RXRA: variants seen among roughly 807,000 people sequenced by gnomAD.
RXRA encodes retinoid X receptor alpha.
In RXRA, 5 loss-of-function variants were observed where a neutral mutation model predicts 44.5. The ratio of observed to expected loss-of-function variants is 0.11; its 90% confidence interval spans 0.06 to 0.24. The LOEUF (loss-of-function observed/expected upper bound fraction) is 0.24, where lower values mean the gene tolerates loss of function less well. Ranked by LOEUF, RXRA falls within the 10% of genes least tolerant of loss-of-function variation. RXRA has a pLI of 1.00. For synonymous variants in RXRA, 291 were observed against 271.4 expected (o/e 1.07, Z -0.71); for missense variants, 412 against 646.5 (o/e 0.64, Z 3.93).
In RXRA at chr9:134,417,381, A is replaced by G; in HGVS notation, c.780+54A>G. On this transcript the variant is annotated intron_variant, in intron 5 of 9. Transcript: ENST00000481739. This position sits in a 1 kb window ranked among gnomAD's most constrained non-coding sequence, Gnocchi z 6.1. Reference sequence around the variant, plus strand: ...AGCCTCACATGCCTCAGTTTCCCTCACTCACTCACCCTCCCACCTGAGCAG... The same window carrying G: ...AGCCTCACATGCCTCAGTTTCCCTCGCTCACTCACCCTCCCACCTGAGCAG... 6.3e-7 allele frequency: 1 copy of G among 1,576,816 alleles called. No individual in the cohort carries two copies. The highest frequency in any genetic ancestry group is 1.1e-5 in the South Asian group (1 of 88,258).
intron 1 of RXRA, among the ~76,000 whole-genome samples, chr9:134,382,045 A>T (rs1287274988): frequency 1.3e-5 from 2 of 152,120 alleles, no homozygotes; most frequent in African/African-American, 4.8e-5. Flanking sequence ...GGGAGAGGCC[A>T]GCGGGCCAGC....
chr9:134,383,798 C>G lies in RXRA; in HGVS notation c.29-17834C>G, dbSNP rs1830680481. On this transcript the variant is annotated intron_variant, in intron 1 of 9. Coordinates refer to ENST00000481739, the MANE Select transcript of RXRA (RefSeq NM_002957.6). ...ATCCTCACTCCAGGCAGAACCGTCC[C>G]ATGCCCTTGTCCATAGGATGAGCTT... 2.0e-5 allele frequency among the ~76,000 whole-genome samples: 3 copies of G among 152,264 alleles called. No individual in the cohort carries two copies. In the South Asian group the frequency reaches 6.2e-4, roughly 32 times the overall value.
At chr9:134,339,502 AGTGT>A (rs1177325114) in intron 1 of RXRA, among the ~76,000 whole-genome samples, 2 of 123,876 alleles carry the variant, frequency 1.6e-5, no homozygotes, top group East Asian at 5.0e-4. Context: ...CCCTTGTGTG[AGTGT>A]GTGTGAGTCT....
intron 1 of RXRA, chr9:134,379,619 C>A: frequency 1.0e-6 from 1 of 985,408 alleles, no homozygotes; most frequent in Non-Finnish European, 1.2e-6. Context: ...GCCGCAGGGT[C>A]TCACCCTCCT....
chr9:134,342,898 G>GT lies in RXRA; in HGVS notation c.28+16240dup, dbSNP rs1368878900. 6.6e-6 allele frequency among the ~76,000 whole-genome samples: 1 copy of GT among 152,190 alleles called. No homozygotes were observed. Among genetic ancestry groups the GT allele is most frequent in the Admixed American group, 6.5e-5 (1 of 15,290 alleles). The stretch of plus-strand genomic sequence containing the variant: ...TTCCCTTTGTATGTGAGTGATGTGG[G>GT]TGGCATGACTGCGGATGCAGGCACG... On this transcript the variant is annotated intron_variant, in intron 1 of 9. Transcript: ENST00000481739. The surrounding 1 kb of genome is among the most constrained non-coding windows in gnomAD (Gnocchi z 4.4).
At chr9:134,374,454 C>A (rs1040015112) in intron 1 of RXRA, among the ~76,000 whole-genome samples, 1 of 152,180 alleles carries the variant, frequency 6.6e-6, no homozygotes, top group Non-Finnish European at 1.5e-5. Context: ...GTGTGGGCTG[C>A]GCTGGTCACT....
chr9:134,431,843 G>C (rs768175137), intron 7 of RXRA, 62 bp from the exon 8 acceptor site: 15 of 1,318,588 alleles, frequency 1.1e-5, no homozygotes, highest in Non-Finnish European at 1.6e-5. Flanking sequence ...GGTATCTGGG[G>C]TGTGGCCCTG....
intron 6 of RXRA, chr9:134,425,258 G>T: frequency 1.0e-6 from 1 of 985,390 alleles, no homozygotes; most frequent in Non-Finnish European, 1.2e-6. Flanking sequence ...CTTCCTTGGG[G>T]TGGGCTGCTG....
chr9:134,370,171 T>C (rs1431671363), intron 1 of RXRA, among the ~76,000 whole-genome samples: 1 of 152,182 alleles, frequency 6.6e-6, no homozygotes, highest in Non-Finnish European at 1.5e-5. Flanking sequence ...GTCTGTCCCA[T>C]GGCTATGGCT....
intron 9 of RXRA, 107 bp from the exon 10 acceptor site, chr9:134,436,360 G>C: frequency 9.0e-7 from 1 of 1,112,804 alleles, no homozygotes; most frequent in South Asian, 1.4e-5. Context: ...ACCAGCCTCA[G>C]AGGGGTTGGG....
At chr9:134,423,837 G>T in intron 6 of RXRA, 3 of 985,474 alleles carry the variant, frequency 3.0e-6, no homozygotes, top group Non-Finnish European at 3.6e-6. Context: ...TCCTTGGAGA[G>T]ATAGCCAAGG....
At position 134,343,072 on chromosome 9, in the gene RXRA, C is replaced by T. The variant is rs1327130703; in HGVS notation, c.28+16413C>T. On this transcript the variant is annotated intron_variant, in intron 1 of 9. Coordinates refer to ENST00000481739, the MANE Select transcript of RXRA (RefSeq NM_002957.6). This position sits in a 1 kb window ranked among gnomAD's most constrained non-coding sequence, Gnocchi z 4.1. ...CCCAGCCCTGGGAGGTGTCTTGGAC[C>T]CAGAGCATTTGGCCTTGGGAGGTGG... 1.3e-5 allele frequency among the ~76,000 whole-genome samples: 2 copies of T among 152,168 alleles called. No individual in the cohort carries two copies. The highest frequency in any genetic ancestry group is 2.4e-5 in the African/African-American group (1 of 41,436).
intron 1 of RXRA, among the ~76,000 whole-genome samples, chr9:134,368,975 TTA>T (rs151253952): frequency 0.095 from 5,865 of 62,004 alleles, 45 homozygotes; most frequent in African/African-American, 0.1. Context: ...GTGTGTGGGG[TTA>T]TGTGTGTGTG....
chr9:134,338,224 G>T (rs546805830), intron 1 of RXRA, among the ~76,000 whole-genome samples: 2 of 152,344 alleles, frequency 1.3e-5, no homozygotes, highest in African/African-American at 4.8e-5. Context: ...CCTCTGGCTG[G>T]TAGCACGGGC....
chr9:134,428,242 G>A (rs1279330607), intron 6 of RXRA, among the ~76,000 whole-genome samples: 1 of 148,272 alleles, frequency 6.7e-6, no homozygotes. Flanking sequence ...ACTGTGTTGA[G>A]GGGCTGCTGT....
intron 1 of RXRA, among the ~76,000 whole-genome samples, chr9:134,368,107 A>G (rs1468909067): frequency 2.0e-5 from 3 of 151,918 alleles, no homozygotes; most frequent in African/African-American, 4.8e-5. Context: ...GGTCTCCTCA[A>G]CCCCCTCCCC....
At chr9:134,364,521 G>C (rs967625025) in intron 1 of RXRA, among the ~76,000 whole-genome samples, 2 of 152,236 alleles carry the variant, frequency 1.3e-5, no homozygotes, top group African/African-American at 4.8e-5. Flanking sequence ...AGGGCAGCTT[G>C]CATCTGTGGG....
chr9:134,367,598 G>C (rs1231177359), intron 1 of RXRA, among the ~76,000 whole-genome samples: 2 of 152,344 alleles, frequency 1.3e-5, no homozygotes, highest in East Asian at 3.9e-4. Flanking sequence ...CCAAGCTGTC[G>C]GTGCAGTGCG....
chr9:134,390,162 A>G (rs1830778974), intron 1 of RXRA, among the ~76,000 whole-genome samples: 1 of 152,138 alleles, frequency 6.6e-6, no homozygotes. Flanking sequence ...TCCTTGGTGC[A>G]GGGTGGAGTC....
Sources: gnomAD v4.1 joint callset for allele counts (sites outside exome capture counted in the v4.1 genomes callset) on GRCh38, gnomAD v4.1.1 for gene constraint, Gnocchi (gnomAD v3.1) non-coding constraint, MANE v1.5 for transcripts, NCBI Gene and HGNC (gene_info 2026-07-23, HGNC 2026-07-21) for gene names.